The following SNX29 variants were observed in gnomAD, a reference collection of about 807,000 sequenced individuals.
SNX29 encodes the protein sorting nexin 29.
A neutral mutation model predicts 102.1 loss-of-function variants in SNX29; 78 were observed. The observed-to-expected ratio is 0.76, with a 90% confidence interval of 0.64 to 0.92. SNX29 has a LOEUF of 0.92. Among genes scored for constraint, SNX29 ranks in the 40% least tolerant of loss-of-function variants. The probability of loss-of-function intolerance (pLI) is 0.00; values close to 1 mark genes in which losing one functional copy is unlikely to be tolerated. For synonymous variants in SNX29, 580 were observed against 414.5 expected (o/e 1.40, Z -4.85); for missense variants, 1,280 against 1,061.7 (o/e 1.21, Z -2.86).
chr16:12,425,924 T>A (rs1253731503), intron 18 of SNX29, among the ~76,000 whole-genome samples: 1 of 152,144 alleles, frequency 6.6e-6, no homozygotes, highest in Non-Finnish European at 1.5e-5. Flanking sequence ...AGGGCTAACC[T>A]GGACTCTCTT....
At chr16:12,039,483 C>T (rs1388465491) in intron 4 of SNX29, among the ~76,000 whole-genome samples, 1 of 152,156 alleles carries the variant, frequency 6.6e-6, no homozygotes, top group Admixed American at 6.5e-5. Context: ...TCACAGCTCC[C>T]AGGAAGAATG....
intron 14 of SNX29, among the ~76,000 whole-genome samples, chr16:12,246,237 C>T (rs538865623): frequency 6.6e-5 from 10 of 152,098 alleles, no homozygotes; most frequent in South Asian, 2.1e-4. Context: ...TGACAGGCAG[C>T]GCTGCAGGCA....
At chr16:12,408,086 A>C (rs963850644) in intron 18 of SNX29, among the ~76,000 whole-genome samples, 3 of 151,816 alleles carry the variant, frequency 2.0e-5, no homozygotes, top group Non-Finnish European at 2.9e-5. Context: ...TGAGCCCAGG[A>C]GTTTGAGATT....
At chr16:12,237,823 A>G (rs1596591324) in intron 14 of SNX29, among the ~76,000 whole-genome samples, 2 of 152,296 alleles carry the variant, frequency 1.3e-5, no homozygotes, top group East Asian at 1.9e-4. Flanking sequence ...CAGGAGAATC[A>G]CTTGAACCCG....
intron 20 of SNX29, among the ~76,000 whole-genome samples, chr16:12,549,419 T>G (rs2077820234): frequency 6.6e-6 from 1 of 152,176 alleles, no homozygotes; most frequent in East Asian, 1.9e-4. Context: ...CTCTTGAACC[T>G]GGGAGGTGGA....
intron 13 of SNX29, among the ~76,000 whole-genome samples, chr16:12,139,887 G>C (rs1461657179): frequency 1.3e-5 from 2 of 150,174 alleles, no homozygotes; most frequent in African/African-American, 4.9e-5. Context: ...AGGCTGAGGT[G>C]GGAGAATCAC....
At chr16:12,373,219 G>T (rs947998819) in intron 16 of SNX29, among the ~76,000 whole-genome samples, 2 of 152,146 alleles carry the variant, frequency 1.3e-5, no homozygotes, top group African/African-American at 4.8e-5. Flanking sequence ...TGCAGCCTCC[G>T]ACTTGTGGGC....
chr16:12,348,574 C>G (rs2081896528), intron 15 of SNX29, among the ~76,000 whole-genome samples: 1 of 152,096 alleles, frequency 6.6e-6, no homozygotes, highest in African/African-American at 2.4e-5. Flanking sequence ...GACAGTGTCC[C>G]TTACCTTTGA....
intron 15 of SNX29, 114 bp downstream of exon 15, chr16:12,278,150 C>G: frequency 1.2e-6 from 1 of 803,656 alleles, no homozygotes; most frequent in Non-Finnish European, 2.1e-6. Flanking sequence ...CAAGCAACTC[C>G]TCAGCCCCAC....
At chr16:12,027,252 A>T (rs1368334352) in intron 3 of SNX29, 68 bp from the exon 4 acceptor site, 2 of 1,594,302 alleles carry the variant, frequency 1.3e-6, no homozygotes, top group Admixed American at 3.4e-5. Flanking sequence ...CTTCCTGGAG[A>T]TGCTGGGGCC....
chr16:12,259,107 C>A (rs563118473), intron 14 of SNX29, among the ~76,000 whole-genome samples: 1 of 152,310 alleles, frequency 6.6e-6, no homozygotes, highest in South Asian at 2.1e-4. Flanking sequence ...GCTTTGGCTT[C>A]CTAGACATAA....
intron 13 of SNX29, among the ~76,000 whole-genome samples, chr16:12,198,833 T>G (rs1056698809): frequency 6.6e-6 from 1 of 152,268 alleles, no homozygotes; most frequent in African/African-American, 2.4e-5. Flanking sequence ...TTCCGCTGAA[T>G]GACGGATGGA....
Position 12,048,379 on chromosome 16 carries a change from C to T in SNX29, c.507C>T (p.Asn169=). 8 of 1,613,914 alleles carry T rather than the reference C, an allele frequency of 5.0e-6. No homozygotes were observed. The highest frequency in any genetic ancestry group is 6.8e-6 in the Non-Finnish European group (8 of 1,179,854). ...TTCCCTTTTTTTGGGCAGGTCTGAA[C>T]TCCATACTCTTTGCGATTAACATCG... ...SMLPTMAAGL[N]SILFAINIDN... The change falls in exon 7 of 21, where the codon AAC becomes AAT. Residue 169 remains asparagine, a synonymous_variant. Coordinates refer to ENST00000566228, the MANE Select transcript of SNX29 (RefSeq NM_032167.5).
At chr16:12,420,643 C>A (rs1010989646) in intron 18 of SNX29, among the ~76,000 whole-genome samples, 11 of 152,308 alleles carry the variant, frequency 7.2e-5, no homozygotes, top group African/African-American at 2.4e-4. Context: ...AGGAGATAAT[C>A]ATAGCACTGA....
At chr16:12,567,755 T>A (rs537146072) in intron 20 of SNX29, among the ~76,000 whole-genome samples, 1 of 152,274 alleles carries the variant, frequency 6.6e-6, no homozygotes, top group South Asian at 2.1e-4. Flanking sequence ...GAGTCGAGAC[T>A]GTCTCCAGAA....
intron 20 of SNX29, among the ~76,000 whole-genome samples, chr16:12,534,998 C>T (rs1434063640): frequency 6.6e-6 from 1 of 152,168 alleles, no homozygotes; most frequent in Non-Finnish European, 1.5e-5. Context: ...GGTTGAGAAG[C>T]CCAGACCTGG....
chr16:12,111,853 T>C (rs1319238439), intron 11 of SNX29, among the ~76,000 whole-genome samples: 1 of 152,008 alleles, frequency 6.6e-6, no homozygotes, highest in African/African-American at 2.4e-5. Flanking sequence ...GTGGGTTGCT[T>C]CCCCAGATCC....
Position 12,570,868 on chromosome 16 carries a change from T to C in SNX29, c.*2239T>C, listed in dbSNP as rs141567333. The C allele has an allele frequency of 4.7e-4, 108 of 231,930 alleles. 1 individual carries two copies. Among genetic ancestry groups the C allele is most frequent in the African/African-American group, 2.1e-3 (96 of 45,380 alleles). 14.4% of individuals were successfully genotyped at this position (231,930 alleles called of 1,614,324 possible). On this transcript the variant is annotated 3_prime_UTR_variant, in exon 21 of 21. Coordinates refer to ENST00000566228, the MANE Select transcript of SNX29 (RefSeq NM_032167.5). ...TGAACTGGTGGGAGAAACTGCCTCC[T>C]ACTTTTATAATACTGAATTATTCAC...
At chr16:12,562,204 A>T (rs1333490298) in intron 20 of SNX29, among the ~76,000 whole-genome samples, 3 of 152,158 alleles carry the variant, frequency 2.0e-5, no homozygotes, top group Admixed American at 6.5e-5. Flanking sequence ...CAGAGGAGTG[A>T]ACCCTGCTGG....
Sources: allele counts gnomAD v4.1 joint callset (sites outside exome capture counted in the v4.1 genomes callset), GRCh38; gene constraint gnomAD v4.1.1; transcripts MANE v1.5; gene names NCBI Gene and HGNC (gene_info 2026-07-23, HGNC 2026-07-21).